PKHD1: variants seen among roughly 807,000 people sequenced by gnomAD.
The protein encoded by PKHD1 is fibrocystin.
A neutral mutation model predicts 412.0 loss-of-function variants in PKHD1; 291 were observed. The ratio of observed to expected loss-of-function variants is 0.71; its 90% CI spans 0.64 to 0.78. PKHD1 has a LOEUF of 0.78. Among genes scored for constraint, PKHD1 ranks in the 30% least tolerant of loss-of-function variants. PKHD1 has a pLI of 0.00. For synonymous variants in PKHD1, 1,777 were observed against 1,821.5 expected, an observed-to-expected ratio of 0.98 and a Z score of 0.62; for missense variants, 4,825 against 4,950.7, an observed-to-expected ratio of 0.97 and a Z score of 0.76.
At chr6:51,736,024 A>G (rs1339361430) in intron 60 of PKHD1, among the ~76,000 whole-genome samples, 1 of 152,228 alleles carries the variant, frequency 6.6e-6, no homozygotes, top group Non-Finnish European at 1.5e-5. Context: ...TGTCTACATC[A>G]GTTCCCACAC....
At chr6:52,014,554 C>G (rs1380142265) in intron 34 of PKHD1, among the ~76,000 whole-genome samples, 1 of 145,478 alleles carries the variant, frequency 6.9e-6, no homozygotes, top group Non-Finnish European at 1.5e-5. Flanking sequence ...GATGAATATA[C>G]TGGATAAACA....
intron 60 of PKHD1, among the ~76,000 whole-genome samples, chr6:51,692,161 T>G (rs1053861005): frequency 6.6e-6 from 1 of 152,082 alleles, no homozygotes. Context: ...TCTTCTCCCA[T>G]GTTCACATTG....
At chr6:51,747,010 G>C (rs1438114425) in intron 58 of PKHD1, 121 bp from the exon 59 acceptor site, 5 of 659,094 alleles carry the variant, frequency 7.6e-6, no homozygotes, top group Non-Finnish European at 1.0e-5. Context: ...AAGCTATCCA[G>C]GATAGCCTTA....
Position 51,674,737 on chromosome 6 carries a change from AAT to A in PKHD1, c.10157-14770_10157-14769del, listed in dbSNP as rs1349031142. Among the ~76,000 whole-genome samples, 3 of 152,170 alleles carry A rather than the reference AAT, an allele frequency of 2.0e-5. No homozygotes were observed. The East Asian group carries it at 5.8e-4, about 29-fold the overall frequency. On this transcript the variant is annotated intron_variant, in intron 60 of 66. Transcript: ENST00000371117. ...TAATAACTAGAAGTTCTCTCTGCAC[AAT>A]TTATTGACAGGCACACATGGAAAAG...
At chr6:51,666,715 C>T (rs1309082587) in intron 60 of PKHD1, among the ~76,000 whole-genome samples, 1 of 130,386 alleles carries the variant, frequency 7.7e-6, no homozygotes, top group Non-Finnish European at 1.6e-5. Flanking sequence ...CCACAACAGT[C>T]CCCAGAGTGC....
chr6:51,907,971 A>G (rs779030381), intron 40 of PKHD1, among the ~76,000 whole-genome samples: 2 of 152,170 alleles, frequency 1.3e-5, no homozygotes, highest in Non-Finnish European at 2.9e-5. Flanking sequence ...GAGATAGGTT[A>G]GGTAAAATTT....
chr6:52,038,066 A>G (rs1345796638), intron 27 of PKHD1, among the ~76,000 whole-genome samples: 3 of 152,198 alleles, frequency 2.0e-5, no homozygotes, highest in Non-Finnish European at 2.9e-5. Flanking sequence ...CCCTAATCCA[A>G]TATGACTGGT....
chr6:51,642,413 A>G (rs913382943), intron 63 of PKHD1, among the ~76,000 whole-genome samples: 27 of 152,196 alleles, frequency 1.8e-4, no homozygotes, highest in Non-Finnish European at 3.4e-4. Context: ...TGAGTAAGGT[A>G]CAGACTATGG....
At chr6:51,957,552 T>A (rs1424528272) in intron 36 of PKHD1, among the ~76,000 whole-genome samples, 12 of 152,042 alleles carry the variant, frequency 7.9e-5, no homozygotes. Context: ...TAAGACTAGG[T>A]TAGTACCAAT....
chr6:51,989,113 A>G (rs1796560126), intron 35 of PKHD1, among the ~76,000 whole-genome samples: 1 of 152,242 alleles, frequency 6.6e-6, no homozygotes, highest in Admixed American at 6.5e-5. Context: ...TCATGCTGCG[A>G]ATCCACTCCA....
intron 19 of PKHD1, 108 bp downstream of exon 19, chr6:52,055,479 C>T: frequency 7.9e-7 from 1 of 1,261,320 alleles, no homozygotes; most frequent in South Asian, 1.2e-5. Context: ...ACACCTTGGG[C>T]AGATCACAGC....
At chr6:52,005,476 C>A (rs543445613) in intron 35 of PKHD1, among the ~76,000 whole-genome samples, 2 of 152,318 alleles carry the variant, frequency 1.3e-5, no homozygotes, top group African/African-American at 4.8e-5. Flanking sequence ...TGCTGCCTTG[C>A]GCATGCTGGT....
intron 60 of PKHD1, among the ~76,000 whole-genome samples, chr6:51,735,296 A>G (rs936496977): frequency 2.6e-5 from 4 of 152,206 alleles, no homozygotes; most frequent in African/African-American, 9.6e-5. Flanking sequence ...GTGAAAAATT[A>G]GTTAACTTCT....
In PKHD1 at chr6:51,906,271, C is replaced by T. The variant is rs1195622515; in HGVS notation, c.6752G>A (p.Gly2251Asp). ...SRGLSMCGTL[G>D]LKVDSNVFYN... ...GAATACATTACTGTCCACCTTCAGG[C>T]CCAAGGTCCCGCACATGCTGAGGCC... is the stretch of plus-strand genomic sequence containing the variant. The change falls in exon 41 of 67, where the codon GGC (glycine) becomes GAC (aspartate). Residue 2251 changes from glycine (G) to aspartate (D), a missense_variant. Transcript: ENST00000371117. The T allele has an allele frequency of 2.5e-6, 4 of 1,610,512 alleles. No individual in the cohort carries two copies. In the African/African-American group the frequency reaches 4.0e-5, roughly 16 times the overall value.
At chr6:51,950,223 AT>A (rs1484623463) in intron 36 of PKHD1, among the ~76,000 whole-genome samples, 5 of 119,894 alleles carry the variant, frequency 4.2e-5, no homozygotes, top group Admixed American at 1.7e-4. Context: ...AAAAAAAAAT[AT>A]ATATATATAT....
In PKHD1 at chr6:51,744,302, C is replaced by T. The variant is rs191600970; in HGVS notation, c.10156+83G>A. ...AATTTAGGTCTTCACCAGTACATTT[C>T]ATTCTCAGTGAGCACAGCAAAACCA... On this transcript the variant is annotated intron_variant, in intron 60 of 66. Coordinates refer to ENST00000371117, the MANE Select transcript of PKHD1 (RefSeq NM_138694.4). 4 of 1,208,276 alleles carry T rather than the reference C, an allele frequency of 3.3e-6. No individual in the cohort carries two copies. The East Asian group carries it at 9.3e-5, about 28-fold the overall frequency. The allele number at this position is 1,208,276 out of a possible 1,614,324, so 74.8% of individuals were successfully genotyped here.
At chr6:51,700,417 C>T (rs1331828988) in intron 60 of PKHD1, among the ~76,000 whole-genome samples, 1 of 152,098 alleles carries the variant, frequency 6.6e-6, no homozygotes, top group Non-Finnish European at 1.5e-5. Flanking sequence ...TCTGAAAGTT[C>T]ACCCTCTTGT....
rs182545659 is a variant in PKHD1, at chr6:52,006,111, G to A, written c.5751+4198C>T. On this transcript the variant is annotated intron_variant, in intron 35 of 66. Coordinates refer to ENST00000371117, the MANE Select transcript of PKHD1 (RefSeq NM_138694.4). ...CACTTGATATTCTTTAACAAAGTAAGTACTGATCTTATCAATCTTCCCACA... is the reference window on the plus strand; with the variant it reads ...CACTTGATATTCTTTAACAAAGTAAATACTGATCTTATCAATCTTCCCACA... Among the ~76,000 whole-genome samples the A allele has an allele frequency of 1.7e-4, 26 of 151,498 alleles. No homozygotes were observed. The South Asian group carries it at 4.6e-3, about 27-fold the overall frequency.
At chr6:52,070,520 C>G in intron 9 of PKHD1, 75 bp from the exon 10 acceptor site, 2 of 1,047,362 alleles carry the variant, frequency 1.9e-6, no homozygotes, top group Non-Finnish European at 1.5e-6. Flanking sequence ...CTTTCATAAG[C>G]CCAAAGACTC....
Sources: gnomAD v4.1 joint callset for allele counts (sites outside exome capture counted in the v4.1 genomes callset) on GRCh38, gnomAD v4.1.1 for gene constraint, MANE v1.5 for transcripts, NCBI Gene and HGNC (gene_info 2026-07-23, HGNC 2026-07-21) for gene names.